Variants in MBD5 observed in about 807,000 individuals in gnomAD.
MBD5 encodes the protein methyl-CpG-binding domain protein 5.
MBD5 carries 13 observed loss-of-function variants against 117.3 expected under a neutral mutation model. That is an observed-to-expected ratio of 0.11 (90% CI 0.07 to 0.18). The LOEUF (loss-of-function observed/expected upper bound fraction) is 0.18. Among genes scored for constraint, MBD5 ranks in the 10% least tolerant of loss-of-function variants. The probability of loss-of-function intolerance (pLI) is 1.00; values close to 1 mark genes in which losing one functional copy is unlikely to be tolerated. For missense variants in MBD5, 1,879 were observed against 2,093.8 expected, an observed-to-expected ratio of 0.90 and a Z score of 2.00; for synonymous variants, 727 against 766.4, an observed-to-expected ratio of 0.95 and a Z score of 0.85.
In MBD5 at chr2:148,275,568, C is replaced by T. The variant is rs76086771; in HGVS notation, c.-680+42173C>T. On this transcript the variant is annotated intron_variant, in intron 3 of 13. Coordinates refer to ENST00000642680, the MANE Select transcript of MBD5 (RefSeq NM_001378120.1). ...TTCACAGGAGACCTCACTCTTTTCT[C>T]TAAATACCTTCAAATGATTGGATGA... Among the ~76,000 whole-genome samples the T allele has an allele frequency of 9.0e-3, 1,378 of 152,298 alleles. 13 individuals carry two copies. The highest frequency in any genetic ancestry group is 0.044 in the Middle Eastern group (13 of 294).
chr2:148,205,641 TATAAAC>T, intron 2 of MBD5, among the ~76,000 whole-genome samples: 1 of 152,266 alleles, frequency 6.6e-6, no homozygotes, highest in Middle Eastern at 3.4e-3. Flanking sequence ...TGCATAAAAT[TATAAAC>T]ATAACCACTG....
intron 4 of MBD5, among the ~76,000 whole-genome samples, chr2:148,446,103 G>A (rs985399917): frequency 6.6e-6 from 1 of 150,866 alleles, no homozygotes; most frequent in Admixed American, 6.6e-5. Context: ...TCTGATGGTA[G>A]TTTCTTTTGC....
chr2:148,024,707 T>A (rs1693849998), intron 1 of MBD5, among the ~76,000 whole-genome samples: 1 of 152,326 alleles, frequency 6.6e-6, no homozygotes, highest in East Asian at 1.9e-4. Flanking sequence ...GTTAACAATA[T>A]GGTACTCATA....
intron 3 of MBD5, among the ~76,000 whole-genome samples, chr2:148,257,925 A>T (rs948176435): frequency 5.3e-5 from 8 of 152,190 alleles, no homozygotes; most frequent in Non-Finnish European, 1.0e-4. Context: ...CTTCATGCAA[A>T]GAGGGTGTTA....
intron 4 of MBD5, among the ~76,000 whole-genome samples, chr2:148,429,004 T>G (rs927125469): frequency 2.6e-5 from 4 of 152,050 alleles, no homozygotes; most frequent in African/African-American, 9.7e-5. Flanking sequence ...TGGGATCCAA[T>G]TAAACTAAAA....
intron 3 of MBD5, among the ~76,000 whole-genome samples, chr2:148,257,304 ATCAT>A: frequency 6.6e-6 from 1 of 152,328 alleles, no homozygotes; most frequent in South Asian, 2.1e-4. Context: ...TCTCAGCTGC[ATCAT>A]TCCAATCCCA....
At position 148,356,894 on chromosome 2, in the gene MBD5, C is replaced by G. The variant is rs557030078; in HGVS notation, c.-557+14558C>G. 1.6e-3 allele frequency among the ~76,000 whole-genome samples: 246 copies of G among 151,880 alleles called. 1 individual carries two copies. Among genetic ancestry groups the G allele is most frequent in the African/African-American group, 5.5e-3 (227 of 41,444 alleles). On this transcript the variant is annotated intron_variant, in intron 4 of 13. Transcript: ENST00000642680. ...TTTCAACCCACATTTTTTCTCTTTT[C>G]TTTTCTTTTTTTTTAATTCTGCTGT...
intron 6 of MBD5, among the ~76,000 whole-genome samples, chr2:148,463,091 C>A (rs1409625754): frequency 2.0e-5 from 3 of 151,866 alleles, no homozygotes; most frequent in Non-Finnish European, 1.5e-5. Context: ...ACCCTCCTAG[C>A]CAAAATATGA....
intron 1 of MBD5, among the ~76,000 whole-genome samples, chr2:148,118,356 TC>T (rs1696688147): frequency 6.6e-6 from 1 of 151,982 alleles, no homozygotes; most frequent in Admixed American, 6.6e-5. Context: ...ATGCATGCAG[TC>T]CCATCTACTT....
At chr2:148,265,791 C>T (rs1249870907) in intron 3 of MBD5, among the ~76,000 whole-genome samples, 3 of 151,986 alleles carry the variant, frequency 2.0e-5, no homozygotes, top group South Asian at 2.1e-4. Context: ...ATTTGTTCAA[C>T]GAGTATTTTT....
At chr2:148,124,730 C>T (rs1398310623) in intron 1 of MBD5, among the ~76,000 whole-genome samples, 2 of 151,726 alleles carry the variant, frequency 1.3e-5, no homozygotes, top group Admixed American at 1.3e-4. Flanking sequence ...CTGTATTTTC[C>T]CTATTTCAAA....
At chr2:148,465,333 G>A (rs2105595808) in intron 7 of MBD5, among the ~76,000 whole-genome samples, 1 of 152,162 alleles carries the variant, frequency 6.6e-6, no homozygotes, top group South Asian at 2.1e-4. Flanking sequence ...TATGATTAAT[G>A]TGTACTCTGT....
At chr2:148,186,902 G>A (rs1158775775) in intron 2 of MBD5, among the ~76,000 whole-genome samples, 1 of 152,112 alleles carries the variant, frequency 6.6e-6, no homozygotes, top group Admixed American at 6.5e-5. Flanking sequence ...ACATATACAA[G>A]GATATAAAGT....
intron 8 of MBD5, 26 bp downstream of exon 8, chr2:148,470,487 C>A (rs761206918): frequency 9.0e-6 from 14 of 1,548,194 alleles, no homozygotes; most frequent in Middle Eastern, 1.7e-4. Context: ...AAAAAAGTAC[C>A]CAAAGGTACT....
chr2:148,075,379 T>C (rs757488433), intron 1 of MBD5, among the ~76,000 whole-genome samples: 7 of 152,254 alleles, frequency 4.6e-5, no homozygotes, highest in Non-Finnish European at 7.3e-5. Context: ...TTCCATCCTG[T>C]GGCCCATCTT....
intron 3 of MBD5, among the ~76,000 whole-genome samples, chr2:148,317,954 C>A (rs1459283483): frequency 6.6e-6 from 1 of 152,052 alleles, no homozygotes; most frequent in Non-Finnish European, 1.5e-5. Flanking sequence ...GATTTCTTTC[C>A]CATTGGGTAT....
intron 4 of MBD5, among the ~76,000 whole-genome samples, chr2:148,348,626 A>G (rs1179474359): frequency 6.6e-6 from 1 of 152,018 alleles, no homozygotes; most frequent in African/African-American, 2.4e-5. Flanking sequence ...AGCTAACATG[A>G]CAGTGAGAAA....
rs1338360125 is a variant in MBD5, at chr2:148,426,013, A to C, written c.-556-32190A>C. On this transcript the variant is annotated intron_variant, in intron 4 of 13. Transcript: ENST00000642680. The stretch of plus-strand genomic sequence containing the variant: ...GCATTCTTATACACCAATAACAGAC[A>C]AACAGAGAGCCAAATCATGAGGGAA... Among the ~76,000 whole-genome samples the C allele has an allele frequency of 2.6e-5, 4 of 152,198 alleles. No individual in the cohort carries two copies. The East Asian group carries it at 7.7e-4, about 29-fold the overall frequency.
intron 1 of MBD5, among the ~76,000 whole-genome samples, chr2:148,137,555 T>C (rs927430232): frequency 6.6e-6 from 1 of 152,156 alleles, no homozygotes; most frequent in African/African-American, 2.4e-5. Flanking sequence ...AGGCCAGGAA[T>C]TCAAGACCAG....
Sources: gnomAD v4.1 joint callset for allele counts (sites outside exome capture counted in the v4.1 genomes callset) on GRCh38, gnomAD v4.1.1 for gene constraint, MANE v1.5 for transcripts, NCBI Gene and HGNC (gene_info 2026-07-23, HGNC 2026-07-21) for gene names.